GRIP1: variants seen among roughly 807,000 people sequenced by gnomAD.
GRIP1 encodes glutamate receptor-interacting protein 1.
GRIP1 carries 45 observed loss-of-function variants against 129.9 expected under a neutral mutation model. The observed-to-expected ratio is 0.35, with a 90% confidence interval of 0.27 to 0.44. GRIP1 has a LOEUF of 0.44. GRIP1 is among the 20% of genes least tolerant of loss of function. The probability of loss-of-function intolerance (pLI) is 1.00; values close to 1 mark genes in which losing one functional copy is unlikely to be tolerated. For synonymous variants in GRIP1, 530 were observed against 520.8 expected, an observed-to-expected ratio of 1.02 and a Z score of -0.24; for missense variants, 1,196 against 1,396.8, an observed-to-expected ratio of 0.86 and a Z score of 2.29.
chr12:66,996,010 A>G (rs1331756234), intron 1 of GRIP1, among the ~76,000 whole-genome samples: 2 of 152,198 alleles, frequency 1.3e-5, no homozygotes, highest in African/African-American at 4.8e-5. Context: ...TAAAAATGAA[A>G]TAACACTAAG....
At chr12:66,556,312 G>A (rs948585291) in intron 2 of GRIP1, among the ~76,000 whole-genome samples, 3 of 151,968 alleles carry the variant, frequency 2.0e-5, no homozygotes, top group East Asian at 1.9e-4. Flanking sequence ...TTTTATCCTC[G>A]AATAGTATAT....
chr12:66,786,360 T>C (rs2038345465), intron 1 of GRIP1, among the ~76,000 whole-genome samples: 1 of 152,172 alleles, frequency 6.6e-6, no homozygotes, highest in Admixed American at 6.5e-5. Context: ...AGAACTTTGT[T>C]GGTGGACAGA....
intron 1 of GRIP1, among the ~76,000 whole-genome samples, chr12:66,887,622 T>C (rs1412164742): frequency 1.3e-5 from 2 of 152,226 alleles, no homozygotes; most frequent in Non-Finnish European, 2.9e-5. Flanking sequence ...AATTTGAACA[T>C]TCTACACATG....
chr12:66,746,609 G>A (rs1048721886), intron 1 of GRIP1, among the ~76,000 whole-genome samples: 1 of 152,110 alleles, frequency 6.6e-6, no homozygotes, highest in Non-Finnish European at 1.5e-5. Flanking sequence ...CTCTCTACTC[G>A]TGCTGGTCTA....
chr12:66,363,911 G>T (rs1024602387), intron 23 of GRIP1, among the ~76,000 whole-genome samples: 1 of 152,126 alleles, frequency 6.6e-6, no homozygotes, highest in Admixed American at 6.6e-5. Flanking sequence ...TAAACTGAAA[G>T]TTGACTACAG....
chr12:66,370,859 A>T (rs1485999964), intron 23 of GRIP1, among the ~76,000 whole-genome samples: 1 of 152,184 alleles, frequency 6.6e-6, no homozygotes, highest in Non-Finnish European at 1.5e-5. Flanking sequence ...AAGTGAGGCA[A>T]CTATGACAAT....
chr12:66,444,467 T>C (rs1057068674), intron 13 of GRIP1, 117 bp downstream of exon 13: 53 of 830,180 alleles, frequency 6.4e-5, no homozygotes, highest in Non-Finnish European at 9.1e-5. Flanking sequence ...CAGTCCAGCC[T>C]GGGCGACAGA....
At chr12:66,864,164 C>T (rs2137126740) in intron 1 of GRIP1, among the ~76,000 whole-genome samples, 1 of 152,108 alleles carries the variant, frequency 6.6e-6, no homozygotes, top group Non-Finnish European at 1.5e-5. Context: ...TCCACCCCTG[C>T]CAAAAGTGAT....
intron 1 of GRIP1, among the ~76,000 whole-genome samples, chr12:67,046,650 C>T (rs1305028826): frequency 1.3e-5 from 2 of 151,940 alleles, no homozygotes; most frequent in Admixed American, 1.3e-4. Flanking sequence ...TAATTCAAAC[C>T]TATTTTCAAG....
At chr12:66,564,609 C>T (rs1358618990) in intron 2 of GRIP1, among the ~76,000 whole-genome samples, 2 of 152,186 alleles carry the variant, frequency 1.3e-5, no homozygotes, top group South Asian at 2.1e-4. Flanking sequence ...GTCTTTATAG[C>T]AGCATGATTT....
At chr12:66,738,442 C>T (rs893081040) in intron 1 of GRIP1, among the ~76,000 whole-genome samples, 4 of 151,876 alleles carry the variant, frequency 2.6e-5, no homozygotes, top group South Asian at 2.1e-4. Flanking sequence ...AAGATGGTCT[C>T]GATCTCCTGA....
At chr12:66,981,832 G>A (rs376627906) in intron 1 of GRIP1, among the ~76,000 whole-genome samples, 102 of 152,302 alleles carry the variant, frequency 6.7e-4, no homozygotes, top group African/African-American at 2.3e-3. Flanking sequence ...TGCCTACATG[G>A]TGAGACAGCC....
intron 7 of GRIP1, among the ~76,000 whole-genome samples, chr12:66,511,713 TG>T (rs1274952447): frequency 6.6e-6 from 1 of 152,174 alleles, no homozygotes; most frequent in African/African-American, 2.4e-5. Flanking sequence ...GACTTTTGGG[TG>T]GTAGGACCAT....
At chr12:66,436,243 A>C (rs891160231) in intron 13 of GRIP1, among the ~76,000 whole-genome samples, 2 of 152,224 alleles carry the variant, frequency 1.3e-5, no homozygotes, top group African/African-American at 2.4e-5. Context: ...TAAGATAACA[A>C]CCACACCGTA....
At chr12:66,386,558 C>T (rs561629141) in intron 19 of GRIP1, among the ~76,000 whole-genome samples, 17 of 152,078 alleles carry the variant, frequency 1.1e-4, no homozygotes, top group Non-Finnish European at 1.8e-4. Context: ...GGCATGAACC[C>T]GGGAGGCGGA....
chr12:66,976,704 C>T (rs1320744728), intron 1 of GRIP1, among the ~76,000 whole-genome samples: 1 of 152,166 alleles, frequency 6.6e-6, no homozygotes, highest in African/African-American at 2.4e-5. Flanking sequence ...TCCATTCAAC[C>T]AACAATTGAA....
chr12:66,456,389 A>C, intron 9 of GRIP1, 47 bp from the exon 10 acceptor site: 2 of 1,098,048 alleles, frequency 1.8e-6, no homozygotes, highest in Non-Finnish European at 2.4e-6. Context: ...CAAACGAACA[A>C]ACAAAGAACC....
At chr12:66,986,279 A>G (rs2042309690) in intron 1 of GRIP1, among the ~76,000 whole-genome samples, 1 of 152,142 alleles carries the variant, frequency 6.6e-6, no homozygotes, top group Non-Finnish European at 1.5e-5. Context: ...GCGATTCCTC[A>G]GGGATCTAGA....
chr12:66,909,819 C>T (rs781715212), intron 1 of GRIP1, among the ~76,000 whole-genome samples: 3 of 152,150 alleles, frequency 2.0e-5, no homozygotes, highest in Non-Finnish European at 4.4e-5. Flanking sequence ...AAAATATCAT[C>T]TTTAGTTAAC....
Sources: gnomAD v4.1 joint callset for allele counts (sites outside exome capture counted in the v4.1 genomes callset) on GRCh38, gnomAD v4.1.1 for gene constraint, MANE v1.5 for transcripts, NCBI Gene and HGNC (gene_info 2026-07-23, HGNC 2026-07-21) for gene names.